Variants in SLC7A13 observed in about 807,000 individuals in gnomAD.
The protein encoded by SLC7A13 is X-amino acid transporter 2.
In SLC7A13, 31 loss-of-function variants were observed where a neutral mutation model predicts 32.0. That is an observed-to-expected ratio of 0.97 (90% CI 0.73 to 1.31). SLC7A13 has a LOEUF of 1.31. SLC7A13 is among the 50% of genes most tolerant of loss of function. The pLI, the probability that SLC7A13 is intolerant of heterozygous loss-of-function variation, is 0.00. For synonymous variants in SLC7A13, 232 were observed against 206.9 expected (o/e 1.12, Z -1.04); for missense variants, 633 against 546.9 (o/e 1.16, Z -1.57).
Position 86,216,897 on chromosome 8 carries a change from G to C in SLC7A13, c.1179+573C>G, listed in dbSNP as rs77331812. On this transcript the variant is annotated intron_variant, in intron 3 of 3. Transcript: ENST00000297524. ...TATTATTCTGATAATCAGACCGTCA[G>C]GGCCATCTTTCTCCAATAACGTTCT... 1.1e-3 allele frequency among the ~76,000 whole-genome samples: 162 copies of C among 152,290 alleles called. 1 individual carries two copies. The highest frequency in any genetic ancestry group is 3.7e-3 in the African/African-American group (153 of 41,562).
At chr8:86,215,132 A>C (rs1027613541) in intron 3 of SLC7A13, among the ~76,000 whole-genome samples, 1 of 152,134 alleles carries the variant, frequency 6.6e-6, no homozygotes, top group African/African-American at 2.4e-5. Context: ...AAATCAAGAC[A>C]AAAATTTTAG....
chr8:86,219,426 T>C (rs1278244345), intron 2 of SLC7A13, among the ~76,000 whole-genome samples: 2 of 152,196 alleles, frequency 1.3e-5, no homozygotes, highest in Non-Finnish European at 2.9e-5. Flanking sequence ...GTCCACATGT[T>C]GTTTCTTTTC....
Position 86,229,793 on chromosome 8 carries a change from G to C in SLC7A13, c.485C>G (p.Ala162Gly), listed in dbSNP as rs1161096495. The change falls in exon 1 of 4, where the codon GCT (alanine) becomes GGT (glycine). Residue 162 changes from alanine (A) to glycine (G), a missense_variant. Coordinates refer to ENST00000297524, the MANE Select transcript of SLC7A13 (RefSeq NM_138817.3). ...TATGGACACTTTCAGCACTGAGCTA[G>C]CTATCTGAAGCCAAGTCACTTCTTT... ...GVKEVTWLQI[A>G]SSVLKVSILS... 2.5e-6 allele frequency: 4 copies of C among 1,614,082 alleles called. No homozygotes were observed. Among genetic ancestry groups the C allele is most frequent in the Non-Finnish European group, 3.4e-6 (4 of 1,180,056 alleles).
In SLC7A13 at chr8:86,217,470, C is replaced by A; in HGVS notation, c.1179G>T (p.Lys393Asn). 1 of 1,531,872 alleles carries A rather than the reference C, an allele frequency of 6.5e-7. No homozygotes were observed. Among genetic ancestry groups the A allele is most frequent in the South Asian group, 1.3e-5 (1 of 76,006 alleles). The allele number at this position is 1,531,872 out of a possible 1,614,324, so 94.9% of individuals were successfully genotyped here. A position where few individuals can be genotyped will look rare whatever the true frequency, so the allele number is the denominator to read the frequency against. Reference sequence around the variant, plus strand: ...AAAAGAATTAGAAATCCAATTTTACCTTATAAGGTATAGATAGATTGGGTT... The same window carrying A: ...AAAAGAATTAGAAATCCAATTTTACATTATAAGGTATAGATAGATTGGGTT... ...YQEPNLSIPY[K>N]VFLSFPLATI... is the part of the protein sequence containing the mutation. The change falls in exon 3 of 4, where the codon AAG (lysine) becomes AAT (asparagine). Residue 393 changes from lysine (K) to asparagine (N), a missense_variant and splice_region_variant. Lys to Asn is a moderately conservative substitution (Grantham distance 94). Coordinates refer to ENST00000297524, the MANE Select transcript of SLC7A13 (RefSeq NM_138817.3).
rs572370284 is a variant in SLC7A13, at chr8:86,230,158, T to C, written c.120A>G (p.Ala40=). ...AGACTCCCACGTTCATGCAAGAGTATGCCAACACACCTTTGGGGGACACAA... is the reference window on the plus strand; with the variant it reads ...AGACTCCCACGTTCATGCAAGAGTACGCCAACACACCTTTGGGGGACACAA... ...GIFVSPKGVL[A]YSCMNVGVSL... The change falls in exon 1 of 4, where the codon GCA becomes GCG. Residue 40 remains alanine (A), a synonymous_variant. Transcript: ENST00000297524. 255 of 1,614,166 alleles carry C rather than the reference T, an allele frequency of 1.6e-4. 1 individual carries two copies. The South Asian group carries it at 2.6e-3, about 16-fold the overall frequency.
chr8:86,221,012 ATTTCTT>A (rs1423555099), intron 2 of SLC7A13, among the ~76,000 whole-genome samples: 2 of 148,086 alleles, frequency 1.4e-5, no homozygotes, highest in Non-Finnish European at 3.0e-5. Context: ...AAAAAAAACT[ATTTCTT>A]TTGCTTATAA....
At chr8:86,218,234 G>C (rs770141899) in intron 2 of SLC7A13, among the ~76,000 whole-genome samples, 1 of 152,112 alleles carries the variant, frequency 6.6e-6, no homozygotes, top group Non-Finnish European at 1.5e-5. Flanking sequence ...CTAGTTTATA[G>C]AGTCCTGATA....
chr8:86,225,884 T>G (rs1437425011), intron 1 of SLC7A13, among the ~76,000 whole-genome samples: 2 of 152,106 alleles, frequency 1.3e-5, no homozygotes, highest in Non-Finnish European at 2.9e-5. Context: ...TGAACTATGA[T>G]TGCACAGCTG....
At chr8:86,226,081 T>G (rs1025383481) in intron 1 of SLC7A13, among the ~76,000 whole-genome samples, 1 of 152,180 alleles carries the variant, frequency 6.6e-6, no homozygotes, top group African/African-American at 2.4e-5. Flanking sequence ...CAACTTTTGT[T>G]CACCACTAGC....
Position 86,217,492 on chromosome 8 carries a change from G to C in SLC7A13, c.1157C>G (p.Pro386Arg), listed in dbSNP as rs1820205661. Residue 386 changes from proline (P) to arginine (R), a missense_variant, in exon 3 of 4, where the codon CCC becomes CGC. Pro to Arg is a moderately radical substitution (Grantham distance 103, BLOSUM62 -2). Coordinates refer to ENST00000297524, the MANE Select transcript of SLC7A13 (RefSeq NM_138817.3). Reference protein sequence around the residue: ...IGILRRRYQEPNLSIPYKVFL... With the variant: ...IGILRRRYQERNLSIPYKVFL... The stretch of plus-strand genomic sequence containing the variant: ...TACCTTATAAGGTATAGATAGATTG[G>C]GTTCCTGGTATCTCCGCCTTAGTAT... 3.2e-6 allele frequency: 5 copies of C among 1,586,356 alleles called. No individual in the cohort carries two copies. The highest frequency in any genetic ancestry group is 4.3e-6 in the Non-Finnish European group (5 of 1,170,454).
intron 1 of SLC7A13, 83 bp downstream of exon 1, chr8:86,229,510 C>T: frequency 8.1e-7 from 1 of 1,239,222 alleles, no homozygotes; most frequent in South Asian, 1.5e-5. Context: ...TCATTTAAGA[C>T]TCAAAATACA....
At chr8:86,216,522 C>G (rs1253323225) in intron 3 of SLC7A13, among the ~76,000 whole-genome samples, 1 of 152,154 alleles carries the variant, frequency 6.6e-6, no homozygotes, top group African/African-American at 2.4e-5. Context: ...TACTCAAACA[C>G]ACAACAATTA....
intron 1 of SLC7A13, 67 bp from the exon 2 acceptor site, chr8:86,223,170 T>C (rs1385824597): frequency 1.4e-6 from 2 of 1,406,298 alleles, no homozygotes; most frequent in African/African-American, 1.5e-5. Flanking sequence ...TATTTTTAGA[T>C]TATTATTTTT....
Position 86,229,503 on chromosome 8 carries a change from T to C in SLC7A13, c.685+90A>G. The C allele has an allele frequency of 6.7e-6, 8 of 1,189,472 alleles. No homozygotes were observed. The South Asian group carries it at 1.0e-4, about 16-fold the overall frequency. 73.7% of individuals were successfully genotyped at this position (1,189,472 alleles called of 1,614,324 possible). A position where few individuals can be genotyped will look rare whatever the true frequency, so the allele number is the denominator to read the frequency against. On this transcript the variant is annotated intron_variant, in intron 1 of 3. Transcript: ENST00000297524. ...CAAAGAAGAAAGAAACATTAAATCA[T>C]TTAAGACTCAAAATACAACAAATGA... is the stretch of plus-strand genomic sequence containing the variant.
At chr8:86,217,386 T>G (rs1056067013) in intron 3 of SLC7A13, 84 bp downstream of exon 3, 1 of 1,225,304 alleles carries the variant, frequency 8.2e-7, no homozygotes, top group African/African-American at 1.6e-5. Flanking sequence ...GATCTACTTA[T>G]AGATGCTCTG....
At position 86,221,127 on chromosome 8, in the gene SLC7A13, A is replaced by G. The variant is rs149032930; in HGVS notation, c.817+1845T>C. Reference sequence around the variant, plus strand: ...ATCACATACAATATCATTCCCATTGATCACCATTGTTAACTACTTATTTAC... The same window carrying G: ...ATCACATACAATATCATTCCCATTGGTCACCATTGTTAACTACTTATTTAC... On this transcript the variant is annotated intron_variant, in intron 2 of 3. Coordinates refer to ENST00000297524, the MANE Select transcript of SLC7A13 (RefSeq NM_138817.3). 1.1e-3 allele frequency among the ~76,000 whole-genome samples: 162 copies of G among 152,240 alleles called. 1 individual carries two copies. The highest frequency in any genetic ancestry group is 3.7e-3 in the African/African-American group (152 of 41,562).
At chr8:86,216,015 C>A (rs369419436) in intron 3 of SLC7A13, among the ~76,000 whole-genome samples, 1 of 152,082 alleles carries the variant, frequency 6.6e-6, no homozygotes, top group African/African-American at 2.4e-5. Context: ...CATTTTAGAT[C>A]GGAAGAAACT....
At chr8:86,219,386 C>T (rs905605213) in intron 2 of SLC7A13, among the ~76,000 whole-genome samples, 1 of 152,150 alleles carries the variant, frequency 6.6e-6, no homozygotes, top group Non-Finnish European at 1.5e-5. Flanking sequence ...TAGCTCTATG[C>T]CACAAGGGAT....
intron 1 of SLC7A13, among the ~76,000 whole-genome samples, chr8:86,229,207 T>C (rs1772929233): frequency 1.3e-5 from 2 of 152,104 alleles, no homozygotes; most frequent in Non-Finnish European, 2.9e-5. Context: ...AGAGCCTCAA[T>C]GCGTCATACC....
Sources: allele counts gnomAD v4.1 joint callset (sites outside exome capture counted in the v4.1 genomes callset), GRCh38; gene constraint gnomAD v4.1.1; transcripts MANE v1.5; gene names NCBI Gene and HGNC (gene_info 2026-07-23, HGNC 2026-07-21).